Variants in KMT5B observed in about 807,000 individuals in gnomAD.
KMT5B encodes histone-lysine N-methyltransferase KMT5B.
In KMT5B, 10 loss-of-function variants were observed where a neutral mutation model predicts 83.2. The observed-to-expected ratio is 0.12, with a 90% CI of 0.07 to 0.20. The LOEUF is 0.20. KMT5B is among the 10% of genes least tolerant of loss of function. The probability of loss-of-function intolerance (pLI) is 1.00; values close to 1 mark genes in which losing one functional copy is unlikely to be tolerated. For synonymous variants in KMT5B, 349 were observed against 388.8 expected (o/e 0.90, Z 1.20); for missense variants, 753 against 1,067.2 (o/e 0.71, Z 4.10).
intron 1 of KMT5B, among the ~76,000 whole-genome samples, chr11:68,193,064 A>C (rs1858277629): frequency 6.6e-6 from 1 of 152,218 alleles, no homozygotes; most frequent in Non-Finnish European, 1.5e-5. Context: ...ATACCACCTC[A>C]TTATCGAATT....
intron 6 of KMT5B, among the ~76,000 whole-genome samples, chr11:68,173,352 T>A (rs1856032410): frequency 6.6e-6 from 1 of 152,222 alleles, no homozygotes; most frequent in South Asian, 2.1e-4. Flanking sequence ...ACTCTACTAT[T>A]TTTATTGAAG....
chr11:68,203,335 C>A (rs2153085946), intron 1 of KMT5B, among the ~76,000 whole-genome samples: 1 of 152,322 alleles, frequency 6.6e-6, no homozygotes, highest in African/African-American at 2.4e-5. Flanking sequence ...TTCATATCAC[C>A]TTCCCTTTCT....
intron 1 of KMT5B, among the ~76,000 whole-genome samples, chr11:68,207,192 C>T (rs889130979): frequency 2.0e-5 from 3 of 147,232 alleles, no homozygotes; most frequent in Admixed American, 1.4e-4. Context: ...CCAGCCTCGG[C>T]GACAGAGCGA....
intron 9 of KMT5B, among the ~76,000 whole-genome samples, chr11:68,170,437 C>G (rs773586721): frequency 6.6e-6 from 1 of 152,118 alleles, no homozygotes; most frequent in Non-Finnish European, 1.5e-5. Context: ...CTGTGACGCT[C>G]CCTTCATGGT....
chr11:68,169,993 G>C lies in KMT5B; in HGVS notation c.977+1022C>G, dbSNP rs1427819973. On this transcript the variant is annotated intron_variant, in intron 9 of 10. Coordinates refer to ENST00000304363, the MANE Select transcript of KMT5B (RefSeq NM_017635.5). ...TCAGTGCTGGGAGAGGGATGGCTAC[G>C]GTAGCACTGTGACTTGATGACTCCG... Among the ~76,000 whole-genome samples, 4 of 152,156 alleles carry C rather than the reference G, an allele frequency of 2.6e-5. No individual in the cohort carries two copies. The South Asian group carries it at 6.2e-4, about 24-fold the overall frequency.
At chr11:68,179,493 C>T in intron 4 of KMT5B, 3 of 1,304,250 alleles carry the variant, frequency 2.3e-6, no homozygotes, top group Non-Finnish European at 3.0e-6. Flanking sequence ...TTTCCAGAGA[C>T]TCACTTCCCA....
intron 4 of KMT5B, among the ~76,000 whole-genome samples, chr11:68,177,412 T>C (rs182984270): frequency 3.0e-4 from 45 of 152,042 alleles, no homozygotes; most frequent in Admixed American, 1.6e-3. Flanking sequence ...ATTCAAAGAG[T>C]TGACCAGGGT....
In KMT5B at chr11:68,156,876, T is replaced by C. The variant is rs1859331434; in HGVS notation, c.*812A>G. ...ATAGCTGTAGTTCATTAGATAAATGTTGCTTGTTGTCATCACGTTGTTCAC... is the reference window on the plus strand; with the variant it reads ...ATAGCTGTAGTTCATTAGATAAATGCTGCTTGTTGTCATCACGTTGTTCAC... On this transcript the variant is annotated 3_prime_UTR_variant, in exon 11 of 11. Transcript: ENST00000304363. 1 of 152,682 alleles carries C rather than the reference T, an allele frequency of 6.5e-6. No individual in the cohort carries two copies. The highest frequency in any genetic ancestry group is 1.5e-5 in the Non-Finnish European group (1 of 68,040). 9.5% of individuals were successfully genotyped at this position (152,682 alleles called of 1,614,324 possible).
chr11:68,166,797 T>A, intron 10 of KMT5B, 185 bp downstream of exon 10: 3 of 1,428,154 alleles, frequency 2.1e-6, no homozygotes, highest in Non-Finnish European at 2.7e-6. Context: ...GGTACTGAAG[T>A]TAGAGATGGG....
At chr11:68,175,289 G>A (rs568197745) in intron 4 of KMT5B, 106 bp from the exon 5 acceptor site, 1 of 790,864 alleles carries the variant, frequency 1.3e-6, no homozygotes, top group Non-Finnish European at 2.0e-6. Flanking sequence ...AACAGCCATG[G>A]TTATCAGAGC....
rs111659593 is a variant in KMT5B at position 68,183,228 on chromosome 11, A to C, written c.308+2553T>G. Among the ~76,000 whole-genome samples the C allele has an allele frequency of 1.0e-3, 156 of 152,104 alleles. 1 individual carries two copies. Among genetic ancestry groups the C allele is most frequent in the African/African-American group, 3.6e-3 (151 of 41,534 alleles). ...CATTTCTTAACTCAAAAAAAAAAAA[A>C]ACAAAGAAAAACACTGGGGGTGCTA... On this transcript the variant is annotated intron_variant, in intron 3 of 10. Coordinates refer to ENST00000304363, the MANE Select transcript of KMT5B (RefSeq NM_017635.5).
At chr11:68,164,542 AAC>A (rs1855139552) in intron 10 of KMT5B, 1 of 432,026 alleles carries the variant, frequency 2.3e-6, no homozygotes, top group Non-Finnish European at 4.7e-6. Context: ...TCCTTATGTG[AAC>A]ATGACTTAAC....
At chr11:68,186,612 G>A in intron 2 of KMT5B, among the ~76,000 whole-genome samples, 1 of 152,156 alleles carries the variant, frequency 6.6e-6, no homozygotes, top group East Asian at 1.9e-4. Flanking sequence ...TGAAATAACT[G>A]GGTTTAACTG....
intron 10 of KMT5B, among the ~76,000 whole-genome samples, chr11:68,160,845 G>A (rs1002933457): frequency 6.6e-6 from 1 of 152,204 alleles, no homozygotes. Context: ...TACTGGGGAG[G>A]CTGAGGCAGG....
rs1815780438 is a variant in KMT5B at position 68,190,114 on chromosome 11, C to G, written c.-38G>C. The G allele has an allele frequency of 6.3e-7, 1 of 1,595,124 alleles. No individual in the cohort carries two copies. The highest frequency in any genetic ancestry group is 8.6e-7 in the Non-Finnish European group (1 of 1,165,148). On this transcript the variant is annotated 5_prime_UTR_variant, in exon 2 of 11. Transcript: ENST00000304363. ...CCTGACCCAGGTGCATTTAGTCACTCTCTTCAAATAGCTTAGAGAATACTT... is the reference window on the plus strand; with the variant it reads ...CCTGACCCAGGTGCATTTAGTCACTGTCTTCAAATAGCTTAGAGAATACTT...
Position 68,154,983 on chromosome 11 carries a change from G to C in KMT5B, c.*2705C>G, listed in dbSNP as rs950207641. 6.6e-6 allele frequency: 1 copy of C among 152,126 alleles called. No individual in the cohort carries two copies. The highest frequency in any genetic ancestry group is 2.4e-5 in the African/African-American group (1 of 41,418). The allele number at this position is 152,126 out of a possible 1,614,324, so 9.4% of individuals were successfully genotyped here. On this transcript the variant is annotated 3_prime_UTR_variant, in exon 11 of 11. Coordinates refer to ENST00000304363, the MANE Select transcript of KMT5B (RefSeq NM_017635.5). ...AGAACTTACCTCAAATGCTGAAAAA[G>C]TCCTTTTTCATTCTTTCAGTACAAG... is the stretch of plus-strand genomic sequence containing the variant.
intron 1 of KMT5B, among the ~76,000 whole-genome samples, chr11:68,199,913 A>G (rs1377461653): frequency 6.6e-6 from 1 of 152,182 alleles, no homozygotes; most frequent in African/African-American, 2.4e-5. Flanking sequence ...AATGGAATTA[A>G]TATTTAGGGA....
Position 68,167,177 on chromosome 11 carries a change from G to A in KMT5B, c.979C>T (p.Arg327Trp), listed in dbSNP as rs1291554276. The change falls in exon 10 of 11, where the codon CGG becomes TGG. Residue 327 changes from arginine to tryptophan, a missense_variant and splice_region_variant. Coordinates refer to ENST00000304363, the MANE Select transcript of KMT5B (RefSeq NM_017635.5). ...CTGGATTTAAAAGCACCAGTGCCCCGTCTGAAAGAGAAAATAGCACAGGTT... is the reference window on the plus strand; with the variant it reads ...CTGGATTTAAAAGCACCAGTGCCCCATCTGAAAGAGAAAATAGCACAGGTT... Reference protein sequence around the residue: ...EFCECYTCERRGTGAFKSRVG... With the variant: ...EFCECYTCERWGTGAFKSRVG... The A allele has an allele frequency of 6.2e-7, 1 of 1,605,222 alleles. No homozygotes were observed.
At chr11:68,183,819 C>A (rs1007403592) in intron 3 of KMT5B, among the ~76,000 whole-genome samples, 1 of 150,520 alleles carries the variant, frequency 6.6e-6, no homozygotes, top group Non-Finnish European at 1.5e-5. Context: ...ACCACCACAC[C>A]CAGCTAATTT....
Sources: allele counts gnomAD v4.1 joint callset (sites outside exome capture counted in the v4.1 genomes callset), GRCh38; gene constraint gnomAD v4.1.1; transcripts MANE v1.5; gene names NCBI Gene and HGNC (gene_info 2026-07-23, HGNC 2026-07-21).